The following CHRNA7 variants were observed in gnomAD, a reference collection of about 807,000 sequenced individuals.
The protein encoded by CHRNA7 is cholinergic receptor nicotinic alpha 7 subunit.
In CHRNA7, 17 loss-of-function variants were observed where a neutral mutation model predicts 48.0. That is an observed-to-expected ratio of 0.35 (90% CI 0.24 to 0.53). CHRNA7 has a LOEUF of 0.53. Among genes scored for constraint, CHRNA7 ranks in the 20% least tolerant of loss-of-function variants. CHRNA7 has a pLI of 0.92. For synonymous variants in CHRNA7, 75 were observed against 242.3 expected (o/e 0.31, Z 6.41); for missense variants, 155 against 577.7 (o/e 0.27, Z 7.50).
intron 2 of CHRNA7, 96 bp from the exon 3 acceptor site, chr15:32,101,207 C>A: frequency 7.6e-7 from 1 of 1,311,892 alleles, no homozygotes; most frequent in East Asian, 2.3e-5. Context: ...CACACAACAA[C>A]GCTCTCGACA....
intron 2 of CHRNA7, among the ~76,000 whole-genome samples, chr15:32,095,524 G>A (rs540368993): frequency 1.3e-5 from 2 of 152,184 alleles, no homozygotes; most frequent in East Asian, 3.9e-4. Flanking sequence ...GGGAAGGGTG[G>A]CGTTGCTTTT....
chr15:32,117,336 C>T (rs980717963), intron 4 of CHRNA7, among the ~76,000 whole-genome samples: 2 of 152,188 alleles, frequency 1.3e-5, no homozygotes, highest in Admixed American at 1.3e-4. Flanking sequence ...GTGTCAGCTC[C>T]CTGGCACCTC....
intron 2 of CHRNA7, among the ~76,000 whole-genome samples, chr15:32,082,101 T>A (rs959357523): frequency 6.6e-6 from 1 of 152,200 alleles, no homozygotes; most frequent in Non-Finnish European, 1.5e-5. Context: ...GTATAGGTAA[T>A]GTGTCATTTT....
chr15:32,102,087 CTAATG>C (rs1428386025), intron 3 of CHRNA7: 1 of 149,658 alleles, frequency 6.7e-6, no homozygotes, highest in Non-Finnish European at 1.5e-5. Context: ...GAATTTTATC[CTAATG>C]TAATATAATT....
chr15:32,031,039 T>G lies in CHRNA7; in HGVS notation c.195+2T>G. 6.2e-7 allele frequency: 1 copy of G among 1,614,110 alleles called. No homozygotes were observed. The highest frequency in any genetic ancestry group is 8.5e-7 in the Non-Finnish European group (1 of 1,179,978). ...AGCCTCCTGCAGATCATGGACGTGG[T>G]GAGTCCCGCCTGGCTACAGGGCTGC... On this transcript the variant is annotated splice_donor_variant, in intron 2 of 9. Coordinates refer to ENST00000306901, the MANE Select transcript of CHRNA7 (RefSeq NM_000746.6). LOFTEE classifies it high-confidence loss of function.
intron 4 of CHRNA7, among the ~76,000 whole-genome samples, chr15:32,144,015 G>A (rs1475796188): frequency 1.3e-5 from 2 of 152,190 alleles, no homozygotes; most frequent in African/African-American, 2.4e-5. Flanking sequence ...TCATAGCATC[G>A]ATGGTCTTTA....
chr15:32,158,289 C>CCCCT, intron 6 of CHRNA7, 123 bp from the exon 7 acceptor site: 1 of 522,138 alleles, frequency 1.9e-6, no homozygotes, highest in South Asian at 3.1e-5. Flanking sequence ...CAACCCCCCC[C>CCCCT]TTTTTTTTTT....
intron 4 of CHRNA7, among the ~76,000 whole-genome samples, chr15:32,144,292 C>G (rs1340062903): frequency 4.6e-5 from 7 of 152,234 alleles, no homozygotes; most frequent in African/African-American, 1.7e-4. Flanking sequence ...CACTGTTAGT[C>G]TGATGGGCTT....
chr15:32,121,917 A>T (rs2050977430), intron 4 of CHRNA7, among the ~76,000 whole-genome samples: 1 of 152,260 alleles, frequency 6.6e-6, no homozygotes, highest in Non-Finnish European at 1.5e-5. Flanking sequence ...ACTAGCTATA[A>T]TCTAAGGAAT....
At chr15:32,033,200 C>CA (rs1406372121) in intron 2 of CHRNA7, among the ~76,000 whole-genome samples, 1 of 152,190 alleles carries the variant, frequency 6.6e-6, no homozygotes, top group Non-Finnish European at 1.5e-5. Flanking sequence ...TGGCCTTGAA[C>CA]AAACTCACTT....
intron 2 of CHRNA7, among the ~76,000 whole-genome samples, chr15:32,078,998 T>G (rs1423956011): frequency 6.6e-6 from 1 of 152,118 alleles, no homozygotes; most frequent in African/African-American, 2.4e-5. Flanking sequence ...TGGTTCAACA[T>G]AGGAAAATCA....
chr15:32,046,934 C>T (rs1188182503), intron 2 of CHRNA7, among the ~76,000 whole-genome samples: 4 of 151,328 alleles, frequency 2.6e-5, no homozygotes, highest in Non-Finnish European at 5.9e-5. Context: ...GGAATCCTTT[C>T]CCCATTGCTT....
chr15:32,104,749 A>G (rs1409060167), intron 3 of CHRNA7, among the ~76,000 whole-genome samples: 2 of 152,202 alleles, frequency 1.3e-5, no homozygotes, highest in Non-Finnish European at 2.9e-5. Context: ...CATCTCCTGA[A>G]TGGCCGTGCA....
rs1901807537 is a variant in CHRNA7 at position 32,031,010 on chromosome 15, C to T, written c.168C>T (p.Ser56=). The change falls in exon 2 of 10, where the codon TCC becomes TCT. Residue 56 remains serine, a synonymous_variant. Transcript: ENST00000306901. ...NDSQPLTVYF[S]LSLLQIMDVD... ...CGCAACCACTCACCGTCTACTTCTC[C>T]CTGAGCCTCCTGCAGATCATGGACG... The T allele has an allele frequency of 1.9e-6, 3 of 1,614,234 alleles. No homozygotes were observed. Among genetic ancestry groups the T allele is most frequent in the East Asian group, 2.2e-5 (1 of 44,876 alleles).
At chr15:32,139,303 G>T (rs1427800214) in intron 4 of CHRNA7, among the ~76,000 whole-genome samples, 1 of 152,176 alleles carries the variant, frequency 6.6e-6, no homozygotes, top group Non-Finnish European at 1.5e-5. Flanking sequence ...TAGCAATTAT[G>T]AATAAAGCTG....
intron 2 of CHRNA7, among the ~76,000 whole-genome samples, chr15:32,045,540 A>G (rs2049525596): frequency 6.6e-6 from 1 of 150,922 alleles, no homozygotes; most frequent in Admixed American, 6.6e-5. Flanking sequence ...CTCTTCAATA[A>G]GTTTTTTTTT....
At position 32,087,598 on chromosome 15, in the gene CHRNA7, G is replaced by A. The variant is rs77158207; in HGVS notation, c.196-13705G>A. ...TCTGTAAGTATTTCTGTATGTAACC[G>A]TATGTATCCTTATTAAGCTAAACGT... On this transcript the variant is annotated intron_variant, in intron 2 of 9. Transcript: ENST00000306901. 3.6e-3 allele frequency among the ~76,000 whole-genome samples: 543 copies of A among 152,216 alleles called. 5 individuals carry two copies. The highest frequency in any genetic ancestry group is 0.013 in the African/African-American group (528 of 41,544).
At chr15:32,046,690 A>T (rs1311457073) in intron 2 of CHRNA7, among the ~76,000 whole-genome samples, 4 of 135,884 alleles carry the variant, frequency 2.9e-5, no homozygotes, top group South Asian at 2.2e-4. Flanking sequence ...TCCATTTGTC[A>T]ATTTTGGCTT....
Position 32,093,369 on chromosome 15 carries a change from G to C in CHRNA7, c.196-7934G>C, listed in dbSNP as rs574920309. Among the ~76,000 whole-genome samples, 4 of 152,274 alleles carry C rather than the reference G, an allele frequency of 2.6e-5. No individual in the cohort carries two copies. In the East Asian group the frequency reaches 7.7e-4, roughly 29 times the overall value. On this transcript the variant is annotated intron_variant, in intron 2 of 9. Coordinates refer to ENST00000306901, the MANE Select transcript of CHRNA7 (RefSeq NM_000746.6). ...TAGAAGGAAAGGAAACCTTTCAGTT[G>C]CAGTGAAAAGTGCATGCTTGAACTC...
Sources: gnomAD v4.1 joint callset for allele counts (sites outside exome capture counted in the v4.1 genomes callset) on GRCh38, gnomAD v4.1.1 for gene constraint, MANE v1.5 for transcripts, NCBI Gene and HGNC (gene_info 2026-07-23, HGNC 2026-07-21) for gene names.